GMPR: variants seen among roughly 807,000 people sequenced by gnomAD.
The protein encoded by GMPR is GMP reductase 1.
GMPR carries 31 observed loss-of-function variants against 38.4 expected under a neutral mutation model. The ratio of observed to expected loss-of-function variants is 0.81; its 90% CI spans 0.61 to 1.09. The LOEUF (loss-of-function observed/expected upper bound fraction) is 1.09, where lower values mean the gene tolerates loss of function less well. Ranked by LOEUF, GMPR falls within the 50% of genes least tolerant of loss-of-function variation. The pLI is 0.00. For missense variants in GMPR, 468 were observed against 453.7 expected (o/e 1.03, Z -0.29); for synonymous variants, 162 against 173.3 (o/e 0.93, Z 0.51).
intron 7 of GMPR, 144 bp downstream of exon 7, chr6:16,285,979 C>T: frequency 1.4e-6 from 1 of 708,970 alleles, no homozygotes; most frequent in Non-Finnish European, 2.5e-6. Context: ...GGGTTTCAGC[C>T]CCAATTGGCC....
chr6:16,293,222 A>C (rs1273055237), intron 8 of GMPR, among the ~76,000 whole-genome samples: 1 of 152,258 alleles, frequency 6.6e-6, no homozygotes, highest in African/African-American at 2.4e-5. Flanking sequence ...TCAGCAAAAA[A>C]GGAATTTGTA....
chr6:16,246,670 C>T (rs939338261), intron 1 of GMPR, among the ~76,000 whole-genome samples, 172 bp from the exon 2 acceptor site: 8 of 152,288 alleles, frequency 5.3e-5, no homozygotes, highest in African/African-American at 1.2e-4. Context: ...CTTGTCTTGA[C>T]GGCGGAATTT....
At chr6:16,243,891 C>G (rs1242519701) in intron 1 of GMPR, among the ~76,000 whole-genome samples, 1 of 152,216 alleles carries the variant, frequency 6.6e-6, no homozygotes, top group Non-Finnish European at 1.5e-5. Context: ...CTGGTGTGCT[C>G]ACCTCCAACC....
intron 4 of GMPR, among the ~76,000 whole-genome samples, chr6:16,255,384 C>T (rs1188159855): frequency 6.6e-6 from 1 of 152,160 alleles, no homozygotes; most frequent in South Asian, 2.1e-4. Flanking sequence ...GAAAACGTGA[C>T]TGGGTTTGAG....
At chr6:16,269,349 C>T (rs1294735647) in intron 4 of GMPR, among the ~76,000 whole-genome samples, 2 of 152,188 alleles carry the variant, frequency 1.3e-5, no homozygotes, top group African/African-American at 4.8e-5. Context: ...TCTTTCCGAA[C>T]TTATTTTGCC....
At chr6:16,282,662 G>A (rs137883323) in intron 6 of GMPR, among the ~76,000 whole-genome samples, 104 of 152,266 alleles carry the variant, frequency 6.8e-4, no homozygotes, top group African/African-American at 2.1e-3. Context: ...CTGGTTCTTA[G>A]TAGGTGACTG....
intron 5 of GMPR, among the ~76,000 whole-genome samples, chr6:16,278,342 G>A (rs1346742390): frequency 6.6e-6 from 1 of 152,218 alleles, no homozygotes; most frequent in Non-Finnish European, 1.5e-5. Context: ...TAAGAGAGGT[G>A]AGTCATTTGA....
chr6:16,239,163 G>T (rs746029364), intron 1 of GMPR, among the ~76,000 whole-genome samples: 1 of 152,212 alleles, frequency 6.6e-6, no homozygotes, highest in Admixed American at 6.5e-5. Flanking sequence ...AGATCCCGGT[G>T]ATTTTTGGCT....
chr6:16,288,590 C>A (rs967692062), intron 7 of GMPR, among the ~76,000 whole-genome samples: 1 of 152,056 alleles, frequency 6.6e-6, no homozygotes, highest in African/African-American at 2.4e-5. Flanking sequence ...AGCGCCGCCC[C>A]CTGCTCCAAG....
intron 8 of GMPR, among the ~76,000 whole-genome samples, chr6:16,292,878 G>A (rs1460996755): frequency 2.0e-5 from 3 of 152,154 alleles, no homozygotes; most frequent in African/African-American, 7.2e-5. Context: ...GAAAAAAAAA[G>A]ATTCAGCAGT....
chr6:16,270,715 C>T (rs1759368135), intron 4 of GMPR, among the ~76,000 whole-genome samples: 1 of 152,248 alleles, frequency 6.6e-6, no homozygotes, highest in Non-Finnish European at 1.5e-5. Flanking sequence ...AGCATTCTTG[C>T]TGTGCTGTCC....
At position 16,246,963 on chromosome 6, in the gene GMPR, T is replaced by A; in HGVS notation, c.207+2T>A. On this transcript the variant is annotated splice_donor_variant, in intron 2 of 8. Coordinates refer to ENST00000259727, the MANE Select transcript of GMPR (RefSeq NM_006877.4). LOFTEE classifies it high-confidence loss of function. The stretch of plus-strand genomic sequence containing the variant: ...GAGATGGCAGCCGTGATGTCACAGG[T>A]GAGGCGGTAGGCTTTTGTTTTTTCC... 6.2e-7 allele frequency: 1 copy of A among 1,613,368 alleles called. No individual in the cohort carries two copies. The highest frequency in any genetic ancestry group is 8.5e-7 in the Non-Finnish European group (1 of 1,179,760).
intron 5 of GMPR, among the ~76,000 whole-genome samples, chr6:16,274,821 G>A (rs1355976109): frequency 6.6e-6 from 1 of 152,154 alleles, no homozygotes; most frequent in African/African-American, 2.4e-5. Flanking sequence ...AGAGGAAGGC[G>A]ATAGGTGAAG....
intron 1 of GMPR, among the ~76,000 whole-genome samples, chr6:16,246,359 C>T (rs1758755583): frequency 6.6e-6 from 1 of 152,154 alleles, no homozygotes. Flanking sequence ...TTTGAAAGAT[C>T]CTCATAATTA....
At chr6:16,243,287 C>T (rs1758685744) in intron 1 of GMPR, among the ~76,000 whole-genome samples, 1 of 152,182 alleles carries the variant, frequency 6.6e-6, no homozygotes, top group Non-Finnish European at 1.5e-5. Flanking sequence ...TAAGAGGATT[C>T]TGATGTGTAC....
intron 4 of GMPR, among the ~76,000 whole-genome samples, chr6:16,255,239 C>G (rs1042274796): frequency 1.3e-5 from 2 of 152,110 alleles, no homozygotes; most frequent in African/African-American, 4.8e-5. Flanking sequence ...TCTCGAACTC[C>G]TGACCTCAGG....
chr6:16,271,620 T>G (rs1759388230), intron 4 of GMPR, among the ~76,000 whole-genome samples: 1 of 152,204 alleles, frequency 6.6e-6, no homozygotes, highest in South Asian at 2.1e-4. Context: ...CTTAGGCTCC[T>G]GTTAGGTTCT....
At chr6:16,242,332 CTTT>C (rs36064390) in intron 1 of GMPR, among the ~76,000 whole-genome samples, 24 of 142,778 alleles carry the variant, frequency 1.7e-4, no homozygotes, top group South Asian at 2.2e-4. Flanking sequence ...TCACTAATTA[CTTT>C]TTTTTTTTTT....
intron 1 of GMPR, 90 bp downstream of exon 1, chr6:16,238,870 C>T (rs1581642236): frequency 5.4e-6 from 3 of 556,132 alleles, no homozygotes; most frequent in East Asian, 7.7e-5. Context: ...CACCGGGTTA[C>T]CCTGCCTGCT....
Sources: allele counts gnomAD v4.1 joint callset (sites outside exome capture counted in the v4.1 genomes callset), GRCh38; gene constraint gnomAD v4.1.1; transcripts MANE v1.5; gene names NCBI Gene and HGNC (gene_info 2026-07-23, HGNC 2026-07-21).